Variants in PVT1 observed in about 807,000 individuals in gnomAD.
PVT1 encodes CXCR4/PVT1 fusion.
chr8:128,092,894 CCGCT>C (rs1249752621), intron 5 of PVT1, among the ~76,000 whole-genome samples: 3 of 152,190 alleles, frequency 2.0e-5, no homozygotes, highest in African/African-American at 7.2e-5. Context: ...GTCTTCCATC[CCGCT>C]CTCTGGGGCT....
chr8:127,929,497 T>C (rs980666628), intron 3 of PVT1, among the ~76,000 whole-genome samples: 1 of 152,104 alleles, frequency 6.6e-6, no homozygotes, highest in Non-Finnish European at 1.5e-5. Context: ...CCAGGGAAAA[T>C]TTTTTTAAAA....
At chr8:128,018,568 A>G (rs1817399534) in intron 4 of PVT1, among the ~76,000 whole-genome samples, 1 of 152,234 alleles carries the variant, frequency 6.6e-6, no homozygotes, top group South Asian at 2.1e-4. Flanking sequence ...AACGTTCCAG[A>G]TGGAAAGTCT....
chr8:127,847,841 G>A (rs916805001), intron 2 of PVT1, among the ~76,000 whole-genome samples: 4 of 152,176 alleles, frequency 2.6e-5, no homozygotes, highest in African/African-American at 7.2e-5. Flanking sequence ...TGGCCTGTGC[G>A]TGGTGGGAGG....
chr8:128,033,507 A>T (rs921361478), intron 4 of PVT1, among the ~76,000 whole-genome samples: 1 of 152,210 alleles, frequency 6.6e-6, no homozygotes, highest in African/African-American at 2.4e-5. Flanking sequence ...GCTTTCCACA[A>T]GCTTCTCCCT....
intron 3 of PVT1, among the ~76,000 whole-genome samples, chr8:127,970,320 TAG>T (rs1165095843): frequency 1.6e-4 from 22 of 137,112 alleles, no homozygotes; most frequent in Middle Eastern, 7.2e-3. Context: ...TTTTTTGAGA[TAG>T]AGTCTTACTC....
intron 3 of PVT1, among the ~76,000 whole-genome samples, chr8:127,965,606 G>T (rs1274077354): frequency 1.3e-5 from 2 of 152,184 alleles, no homozygotes; most frequent in Non-Finnish European, 2.9e-5. Flanking sequence ...ACCCTTCCTT[G>T]TTCTCTCCAC....
intron 4 of PVT1, among the ~76,000 whole-genome samples, chr8:128,047,671 A>G (rs1271946859): frequency 6.6e-6 from 1 of 152,214 alleles, no homozygotes; most frequent in East Asian, 1.9e-4. Flanking sequence ...TTTGACACAG[A>G]AAAACGAGAC....
intron 2 of PVT1, among the ~76,000 whole-genome samples, chr8:127,861,213 A>G (rs1264483668): frequency 6.6e-6 from 1 of 151,892 alleles, no homozygotes; most frequent in East Asian, 1.9e-4. Context: ...CCAACTAACT[A>G]TCCTTTTTTA....
intron 2 of PVT1, among the ~76,000 whole-genome samples, chr8:127,809,052 A>AAAAAAAAAAAAAAAG (rs1554588311): frequency 8.9e-5 from 12 of 135,024 alleles, no homozygotes; most frequent in African/African-American, 2.8e-4. Context: ...AAAAAAAAAA[A>AAAAAAAAAAAAAAAG]AAAGAAAGAA....
At chr8:127,795,385 T>C (rs959580738) in intron 1 of PVT1, among the ~76,000 whole-genome samples, 16 of 152,236 alleles carry the variant, frequency 1.1e-4, no homozygotes, top group African/African-American at 3.9e-4. Context: ...TGAAGCTGCA[T>C]GCGTCTGTGT....
At chr8:127,952,866 G>C (rs1209982053) in intron 3 of PVT1, among the ~76,000 whole-genome samples, 1 of 151,938 alleles carries the variant, frequency 6.6e-6, no homozygotes, top group South Asian at 2.1e-4. Context: ...CCAGGTTCAC[G>C]CCATTCTCCT....
intron 2 of PVT1, among the ~76,000 whole-genome samples, chr8:127,817,731 TAA>T (rs771655066): frequency 7.5e-6 from 1 of 133,340 alleles, no homozygotes. Flanking sequence ...AAATGAAAAA[TAA>T]AAAAAAAAAA....
At chr8:127,867,384 G>A (rs1378770775) in intron 2 of PVT1, among the ~76,000 whole-genome samples, 1 of 152,224 alleles carries the variant, frequency 6.6e-6, no homozygotes, top group African/African-American at 2.4e-5. Flanking sequence ...GGTGGGAGGT[G>A]AGGAATTTTG....
chr8:128,019,347 C>T (rs1222657482), intron 4 of PVT1, among the ~76,000 whole-genome samples: 2 of 152,136 alleles, frequency 1.3e-5, no homozygotes, highest in South Asian at 2.1e-4. Flanking sequence ...AAACCCATCC[C>T]GCCCCTTCTT....
rs537965244 is a variant in PVT1, at chr8:127,964,925, C to T, written n.783-24237C>T. ...ATTGTACTGCCTCAGCCTCCCACAG[C>T]ATGGGATTACAGGCGTGAGCCCCCA... On this transcript the variant is annotated intron_variant and non_coding_transcript_variant, in intron 3 of 10. Transcript: ENST00000651587. Among the ~76,000 whole-genome samples the T allele has an allele frequency of 7.9e-5, 12 of 152,308 alleles. No individual in the cohort carries two copies. The East Asian group carries it at 2.1e-3, about 27-fold the overall frequency.
intron 4 of PVT1, among the ~76,000 whole-genome samples, chr8:128,037,893 T>C (rs1481041657): frequency 6.6e-6 from 1 of 152,158 alleles, no homozygotes; most frequent in Non-Finnish European, 1.5e-5. Context: ...TTCCCAACAT[T>C]TGCTATACCA....
chr8:128,081,275 T>G (rs2130151912), intron 5 of PVT1, among the ~76,000 whole-genome samples: 1 of 152,334 alleles, frequency 6.6e-6, no homozygotes, highest in Non-Finnish European at 1.5e-5. Flanking sequence ...TACCACAGAT[T>G]GTTTATCTAT....
At chr8:128,041,261 T>G (rs1813532747) in intron 4 of PVT1, among the ~76,000 whole-genome samples, 1 of 148,954 alleles carries the variant, frequency 6.7e-6, no homozygotes, top group African/African-American at 2.5e-5. Context: ...TGTTTGTGCA[T>G]GTGTGTGCAT....
intron 3 of PVT1, among the ~76,000 whole-genome samples, chr8:127,960,178 T>G (rs1422089726): frequency 6.6e-6 from 1 of 152,242 alleles, no homozygotes; most frequent in East Asian, 1.9e-4. Flanking sequence ...TACAGCCTGT[T>G]ACTGCAGTTT....
Sources: allele counts gnomAD v4.1 joint callset (sites outside exome capture counted in the v4.1 genomes callset), GRCh38; gene constraint gnomAD v4.1.1; transcripts MANE v1.5; gene names NCBI Gene and HGNC (gene_info 2026-07-23, HGNC 2026-07-21).